MSRA: variants seen among roughly 807,000 people sequenced by gnomAD.
The protein encoded by MSRA is methionine sulfoxide reductase A, also known as mitochondrial peptide methionine sulfoxide reductase.
A neutral mutation model predicts 31.3 loss-of-function variants in MSRA; 54 were observed. The observed-to-expected ratio is 1.73, with a 90% CI of 1.39 to 2.17. MSRA has a LOEUF of 2.17. Ranked by LOEUF, MSRA falls within the 30% of genes most tolerant of loss-of-function variation. MSRA has a pLI of 0.00. For synonymous variants in MSRA, 169 were observed against 116.5 expected, an observed-to-expected ratio of 1.45 and a Z score of -2.90; for missense variants, 507 against 300.9, an observed-to-expected ratio of 1.69 and a Z score of -5.07.
intron 3 of MSRA, among the ~76,000 whole-genome samples, chr8:10,257,476 G>A (rs1563277422): frequency 6.6e-6 from 1 of 151,974 alleles, no homozygotes; most frequent in African/African-American, 2.4e-5. Context: ...GCGTGACCTC[G>A]GCTCACTGCA....
chr8:10,058,260 T>C (rs1802506030), intron 1 of MSRA, among the ~76,000 whole-genome samples: 2 of 151,932 alleles, frequency 1.3e-5, no homozygotes, highest in African/African-American at 4.8e-5. Context: ...TGAAAAAAAA[T>C]TGAACTACAC....
At chr8:10,168,797 A>G (rs904813580) in intron 1 of MSRA, among the ~76,000 whole-genome samples, 2 of 152,170 alleles carry the variant, frequency 1.3e-5, no homozygotes, top group Non-Finnish European at 2.9e-5. Context: ...CCAAAAACTG[A>G]CCATGTAGGC....
At chr8:10,137,072 C>G (rs1802336007) in intron 1 of MSRA, among the ~76,000 whole-genome samples, 2 of 152,192 alleles carry the variant, frequency 1.3e-5, no homozygotes, top group African/African-American at 4.8e-5. Flanking sequence ...CAAAAATTCG[C>G]TTCCATCCTC....
chr8:10,174,126 G>T (rs566621950), intron 1 of MSRA, among the ~76,000 whole-genome samples: 1 of 152,176 alleles, frequency 6.6e-6, no homozygotes, highest in African/African-American at 2.4e-5. Context: ...GGAAGGTTTC[G>T]GGGAAGGAGG....
intron 5 of MSRA, among the ~76,000 whole-genome samples, chr8:10,330,079 C>T (rs1175103711): frequency 6.8e-6 from 1 of 146,036 alleles, no homozygotes; most frequent in Non-Finnish European, 1.5e-5. Context: ...CAAGAGTGGT[C>T]TAGCACTCTC....
At chr8:10,372,832 A>T (rs1305747565) in intron 5 of MSRA, among the ~76,000 whole-genome samples, 2 of 152,264 alleles carry the variant, frequency 1.3e-5, no homozygotes, top group African/African-American at 4.8e-5. Flanking sequence ...AAAGCTAAAA[A>T]TAGGATTTCC....
chr8:10,128,118 C>T (rs1801632706), intron 1 of MSRA, among the ~76,000 whole-genome samples: 7 of 152,096 alleles, frequency 4.6e-5, no homozygotes, highest in Admixed American at 4.6e-4. Flanking sequence ...TGGCTCACAC[C>T]TGTAATCCCA....
intron 5 of MSRA, among the ~76,000 whole-genome samples, chr8:10,422,983 G>C (rs1808904455): frequency 6.6e-6 from 1 of 152,228 alleles, no homozygotes; most frequent in African/African-American, 2.4e-5. Context: ...GAGCGCCACT[G>C]CCCTGCCTCC....
chr8:10,422,522 A>G (rs556261039), intron 5 of MSRA, among the ~76,000 whole-genome samples: 2 of 152,350 alleles, frequency 1.3e-5, no homozygotes, highest in South Asian at 4.1e-4. Flanking sequence ...TCCCTGGGCC[A>G]GGTGTCGCCC....
At chr8:10,219,193 T>C (rs1810264250) in intron 2 of MSRA, among the ~76,000 whole-genome samples, 1 of 152,178 alleles carries the variant, frequency 6.6e-6, no homozygotes, top group East Asian at 1.9e-4. Context: ...ATGCTGCCCA[T>C]AGCGAAGATT....
rs1291247467 is a variant in MSRA, at chr8:10,259,115, A to AG, written c.331+13892_331+13893insG. ...GAGACTCTGTCAAAGGAAAAAAAAA[A>AG]AAAAGAGGCAGATATATATGTTCAT... is the stretch of plus-strand genomic sequence containing the variant. On this transcript the variant is annotated intron_variant, in intron 3 of 5. Transcript: ENST00000317173. 1.3e-5 allele frequency among the ~76,000 whole-genome samples: 2 copies of AG among 151,892 alleles called. 1 individual carries two copies. The highest frequency in any genetic ancestry group is 1.3e-4 in the Admixed American group (2 of 15,246).
intron 4 of MSRA, among the ~76,000 whole-genome samples, chr8:10,302,765 G>C (rs919462062): frequency 6.6e-5 from 10 of 152,310 alleles, no homozygotes; most frequent in African/African-American, 2.4e-4. Context: ...GGAGGCCGGG[G>C]GCACGATTTC....
chr8:10,071,033 G>C (rs1797707146), intron 1 of MSRA, among the ~76,000 whole-genome samples: 1 of 152,158 alleles, frequency 6.6e-6, no homozygotes, highest in Admixed American at 6.5e-5. Context: ...CAATTGCTGG[G>C]CACTTACATG....
chr8:10,132,670 G>A (rs1183993217), intron 1 of MSRA, among the ~76,000 whole-genome samples: 1 of 152,118 alleles, frequency 6.6e-6, no homozygotes, highest in Non-Finnish European at 1.5e-5. Context: ...GGATCCACCT[G>A]GTATATTTAA....
At chr8:10,306,587 T>TGA (rs567501847) in intron 4 of MSRA, among the ~76,000 whole-genome samples, 33 of 152,124 alleles carry the variant, frequency 2.2e-4, no homozygotes, top group Non-Finnish European at 4.7e-4. Context: ...ACAGTGGTGA[T>TGA]GAGGCTGGTG....
chr8:10,364,225 T>C lies in MSRA; in HGVS notation c.543+44236T>C, dbSNP rs566360881. On this transcript the variant is annotated intron_variant, in intron 5 of 5. Coordinates refer to ENST00000317173, the MANE Select transcript of MSRA (RefSeq NM_012331.5). ...GAATTGTCCCTGCCCGTATGAGTTA[T>C]TCAGTCATTTCGGACTGTGGTGCTT... Among the ~76,000 whole-genome samples, 57 of 152,340 alleles carry C rather than the reference T, an allele frequency of 3.7e-4. 1 individual carries two copies. The South Asian group carries it at 3.9e-3, about 11-fold the overall frequency.
intron 5 of MSRA, among the ~76,000 whole-genome samples, chr8:10,423,374 C>T (rs541587708): frequency 1.3e-5 from 2 of 152,286 alleles, no homozygotes; most frequent in East Asian, 3.9e-4. Flanking sequence ...CCTAGGAACC[C>T]CTGCCCCATC....
intron 1 of MSRA, among the ~76,000 whole-genome samples, chr8:10,093,422 A>T (rs1445228085): frequency 1.3e-5 from 2 of 152,200 alleles, no homozygotes; most frequent in Non-Finnish European, 2.9e-5. Context: ...ATTAATACCA[A>T]TGTAATAATA....
At chr8:10,210,515 C>T (rs1809382751) in intron 2 of MSRA, among the ~76,000 whole-genome samples, 1 of 152,158 alleles carries the variant, frequency 6.6e-6, no homozygotes, top group Non-Finnish European at 1.5e-5. Flanking sequence ...GAGAAGTAGC[C>T]TTTGCTGGGA....
Sources: gnomAD v4.1 joint callset for allele counts (sites outside exome capture counted in the v4.1 genomes callset) on GRCh38, gnomAD v4.1.1 for gene constraint, MANE v1.5 for transcripts, NCBI Gene and HGNC (gene_info 2026-07-23, HGNC 2026-07-21) for gene names.